The following ME1 variants were observed in gnomAD, a reference collection of about 807,000 sequenced individuals.
The protein encoded by ME1 is NADP-dependent malic enzyme.
A neutral mutation model predicts 66.4 loss-of-function variants in ME1; 74 were observed. The observed-to-expected ratio is 1.11, with a 90% confidence interval of 0.92 to 1.35. The LOEUF is 1.35. Among genes scored for constraint, ME1 ranks in the 40% most tolerant of loss-of-function variants. ME1 has a pLI of 0.00. For missense variants in ME1, 750 were observed against 694.1 expected (o/e 1.08, Z -0.90); for synonymous variants, 251 against 235.6 (o/e 1.07, Z -0.60).
At chr6:83,370,043 C>A (rs973973502) in intron 3 of ME1, among the ~76,000 whole-genome samples, 2 of 152,082 alleles carry the variant, frequency 1.3e-5, no homozygotes, top group Middle Eastern at 3.4e-3. Context: ...AGAATTATTG[C>A]AAAGAGTTTA....
intron 6 of ME1, among the ~76,000 whole-genome samples, chr6:83,309,817 T>C (rs1338617776): frequency 4.6e-5 from 7 of 151,962 alleles, no homozygotes; most frequent in Non-Finnish European, 1.5e-5. Flanking sequence ...TGAAAAGGAA[T>C]AAGCTGAGGA....
chr6:83,387,102 A>G (rs867752841), intron 3 of ME1, among the ~76,000 whole-genome samples: 7 of 152,178 alleles, frequency 4.6e-5, no homozygotes, highest in Admixed American at 2.0e-4. Flanking sequence ...TTTCTTTTCC[A>G]TAAACAACTT....
chr6:83,393,477 C>CCCACCACACTGAGT (rs1480663679), intron 3 of ME1: 2 of 474,478 alleles, frequency 4.2e-6, no homozygotes, highest in Non-Finnish European at 7.6e-6. Context: ...CTGGAGAGTC[C>CCCACCACACTGAGT]CTGCCACACT....
chr6:83,393,394 G>C (rs1474200400), intron 3 of ME1: 23 of 723,150 alleles, frequency 3.2e-5, no homozygotes, highest in Non-Finnish European at 5.1e-5. Flanking sequence ...CCCACAGTGT[G>C]GCTTCCAAGG....
At chr6:83,390,242 T>C (rs1007055792) in intron 3 of ME1, among the ~76,000 whole-genome samples, 16 of 152,174 alleles carry the variant, frequency 1.1e-4, no homozygotes, top group African/African-American at 3.6e-4. Flanking sequence ...AGCTCAGTAC[T>C]TGAAGTACTT....
At chr6:83,218,363 C>T (rs1191499467) in intron 12 of ME1, among the ~76,000 whole-genome samples, 2 of 152,184 alleles carry the variant, frequency 1.3e-5, no homozygotes, top group Non-Finnish European at 2.9e-5. Flanking sequence ...GCTACTCCTT[C>T]TTAAAGGCTT....
At chr6:83,417,118 T>C (rs889213862) in intron 1 of ME1, among the ~76,000 whole-genome samples, 5 of 152,110 alleles carry the variant, frequency 3.3e-5, no homozygotes, top group East Asian at 1.9e-4. Flanking sequence ...AGTATAATCA[T>C]AGCTCACTGC....
At chr6:83,375,962 C>T (rs1275235183) in intron 3 of ME1, among the ~76,000 whole-genome samples, 1 of 151,820 alleles carries the variant, frequency 6.6e-6, no homozygotes, top group Non-Finnish European at 1.5e-5. Flanking sequence ...TACATACGTA[C>T]TTCCAAGTAA....
At chr6:83,409,572 C>T (rs763080088) in intron 1 of ME1, among the ~76,000 whole-genome samples, 2 of 152,152 alleles carry the variant, frequency 1.3e-5, no homozygotes, top group Non-Finnish European at 2.9e-5. Flanking sequence ...TATAGATATA[C>T]CCATTAATTC....
chr6:83,334,486 C>CCT (rs1768489144), intron 5 of ME1, among the ~76,000 whole-genome samples: 1 of 15,968 alleles, frequency 6.3e-5, no homozygotes, highest in Non-Finnish European at 1.3e-4. Context: ...GGCCTGCCTG[C>CCT]CTCTGTAGGC....
At chr6:83,413,595 T>C (rs550345443) in intron 1 of ME1, among the ~76,000 whole-genome samples, 1 of 152,202 alleles carries the variant, frequency 6.6e-6, no homozygotes, top group Non-Finnish European at 1.5e-5. Flanking sequence ...TTATTATTTA[T>C]TATTCTGAAA....
At chr6:83,424,174 TAA>T (rs1770324356) in intron 1 of ME1, among the ~76,000 whole-genome samples, 1 of 151,578 alleles carries the variant, frequency 6.6e-6, no homozygotes, top group Non-Finnish European at 1.5e-5. Flanking sequence ...TATAGAGATA[TAA>T]GAGGATATAA....
intron 7 of ME1, 37 bp downstream of exon 7, chr6:83,253,592 C>T (rs1466879808): frequency 2.1e-6 from 2 of 975,254 alleles, no homozygotes; most frequent in East Asian, 2.4e-5. Context: ...TAATTTCAGA[C>T]ATGTTATTGA....
At chr6:83,304,341 T>C (rs1436669565) in intron 6 of ME1, among the ~76,000 whole-genome samples, 4 of 152,160 alleles carry the variant, frequency 2.6e-5, no homozygotes, top group South Asian at 2.1e-4. Context: ...CTCCAAACCA[T>C]GGTAAATTAA....
intron 7 of ME1, among the ~76,000 whole-genome samples, chr6:83,252,678 C>T (rs1183462427): frequency 6.6e-6 from 1 of 152,040 alleles, no homozygotes; most frequent in East Asian, 1.9e-4. Context: ...AATGTGTGGA[C>T]CTGAGTATAT....
chr6:83,281,832 AAAAG>A (rs1767297699), intron 6 of ME1, among the ~76,000 whole-genome samples: 3 of 142,994 alleles, frequency 2.1e-5, no homozygotes, highest in African/African-American at 7.5e-5. Context: ...AAAAAAAAAA[AAAAG>A]AAAAGAAAAC....
rs7744501 is a variant in ME1 at position 83,417,626 on chromosome 6, G to A, written c.79-9725C>T. ...GATCTCTTGACCTTGTGATCCACCC[G>A]CCTTGGCCTCCCAAAGTACTGGGAT... is the stretch of plus-strand genomic sequence containing the variant. On this transcript the variant is annotated intron_variant, in intron 1 of 13. Transcript: ENST00000369705. Among the ~76,000 whole-genome samples the A allele has an allele frequency of 4.9e-3, 736 of 150,438 alleles. 3 individuals carry two copies. The highest frequency in any genetic ancestry group is 0.016 in the African/African-American group (672 of 40,950).
intron 6 of ME1, among the ~76,000 whole-genome samples, chr6:83,273,118 AG>A (rs1362704383): frequency 2.7e-5 from 4 of 147,210 alleles, no homozygotes; most frequent in South Asian, 2.3e-4. Context: ...TGGAGGCTGC[AG>A]TGAGCCAACA....
At chr6:83,355,518 C>T (rs1583397743) in intron 3 of ME1, among the ~76,000 whole-genome samples, 1 of 152,094 alleles carries the variant, frequency 6.6e-6, no homozygotes, top group Non-Finnish European at 1.5e-5. Flanking sequence ...CATTTGGCCA[C>T]CTGTAATCTC....
Sources: gnomAD v4.1 joint callset for allele counts (sites outside exome capture counted in the v4.1 genomes callset) on GRCh38, gnomAD v4.1.1 for gene constraint, MANE v1.5 for transcripts, NCBI Gene and HGNC (gene_info 2026-07-23, HGNC 2026-07-21) for gene names.